SEMA5A: variants seen among roughly 807,000 people sequenced by gnomAD.
SEMA5A encodes the protein semaphorin-5A.
In SEMA5A, 55 loss-of-function variants were observed where a neutral mutation model predicts 135.5. The observed-to-expected ratio is 0.41, with a 90% CI of 0.33 to 0.51. The LOEUF is 0.51. SEMA5A is among the 20% of genes least tolerant of loss of function. SEMA5A has a pLI of 0.37. For synonymous variants in SEMA5A, 580 were observed against 546.5 expected, an observed-to-expected ratio of 1.06 and a Z score of -0.85; for missense variants, 1,290 against 1,419.9, an observed-to-expected ratio of 0.91 and a Z score of 1.47.
At chr5:9,243,025 A>T (rs986770576) in intron 5 of SEMA5A, among the ~76,000 whole-genome samples, 1 of 152,214 alleles carries the variant, frequency 6.6e-6, no homozygotes, top group Non-Finnish European at 1.5e-5. Flanking sequence ...GGAACTGCAG[A>T]GTGGTGCTCC....
At chr5:9,531,311 C>A (rs1165659769) in intron 1 of SEMA5A, among the ~76,000 whole-genome samples, 2 of 152,188 alleles carry the variant, frequency 1.3e-5, no homozygotes, top group Non-Finnish European at 2.9e-5. Context: ...GGTCTTCAGG[C>A]CACCTACATT....
At chr5:9,432,853 C>T (rs1757904810) in intron 2 of SEMA5A, among the ~76,000 whole-genome samples, 1 of 152,146 alleles carries the variant, frequency 6.6e-6, no homozygotes, top group African/African-American at 2.4e-5. Context: ...AGAAGCAAAG[C>T]ACTGTGATCA....
At chr5:9,366,181 G>A (rs550514408) in intron 3 of SEMA5A, among the ~76,000 whole-genome samples, 68 of 152,224 alleles carry the variant, frequency 4.5e-4, no homozygotes, top group African/African-American at 1.5e-3. Flanking sequence ...TTTGCTTCTA[G>A]GTAGTGAAGC....
chr5:9,347,263 G>A (rs1419945936), intron 3 of SEMA5A, among the ~76,000 whole-genome samples: 1 of 152,162 alleles, frequency 6.6e-6, no homozygotes, highest in Non-Finnish European at 1.5e-5. Flanking sequence ...TGAGTCAAGT[G>A]TTCTATCAAG....
chr5:9,132,158 T>C (rs1251655582), intron 13 of SEMA5A, among the ~76,000 whole-genome samples: 1 of 152,168 alleles, frequency 6.6e-6, no homozygotes, highest in Non-Finnish European at 1.5e-5. Flanking sequence ...TAGAAACCCA[T>C]AAACATTTTT....
Position 9,337,768 on chromosome 5 carries a change from C to G in SEMA5A, c.169G>C (p.Asp57His). 6.2e-7 allele frequency: 1 copy of G among 1,611,804 alleles called. No individual in the cohort carries two copies. The highest frequency in any genetic ancestry group is 8.5e-7 in the Non-Finnish European group (1 of 1,178,512). ...LREFRAKNAV[D>H]FSQLTFDPGQ... The stretch of plus-strand genomic sequence containing the variant: ...GGGTCAAATGTTAACTGCGAGAAAT[C>G]CACAGCATTCTTCGCTCTGAACTCC... The change falls in exon 4 of 23, where the codon GAT becomes CAT. Residue 57 changes from aspartate to histidine, a missense_variant. Asp to His is a moderately conservative substitution (Grantham distance 81). Coordinates refer to ENST00000382496, the MANE Select transcript of SEMA5A (RefSeq NM_003966.3).
chr5:9,459,609 T>C (rs1335915533), intron 1 of SEMA5A, among the ~76,000 whole-genome samples: 1 of 152,196 alleles, frequency 6.6e-6, no homozygotes, highest in Non-Finnish European at 1.5e-5. Flanking sequence ...CTGTCCTTGA[T>C]TGCAGCCTCG....
intron 5 of SEMA5A, among the ~76,000 whole-genome samples, chr5:9,296,902 CAAAAA>C (rs34923583): frequency 5.9e-5 from 8 of 134,672 alleles, no homozygotes; most frequent in African/African-American, 8.4e-5. Context: ...ACTGTGATCT[CAAAAA>C]AAAAAAAAAA....
intron 8 of SEMA5A, among the ~76,000 whole-genome samples, chr5:9,216,461 G>C (rs1746635321): frequency 6.6e-6 from 1 of 152,164 alleles, no homozygotes; most frequent in African/African-American, 2.4e-5. Context: ...TATATGTCCT[G>C]TAGTTTTTTG....
At chr5:9,067,085 A>T (rs1480832206) in intron 16 of SEMA5A, among the ~76,000 whole-genome samples, 1 of 152,180 alleles carries the variant, frequency 6.6e-6, no homozygotes, top group African/African-American at 2.4e-5. Context: ...CACAGATGTG[A>T]GGTGTTAGAG....
At chr5:9,501,416 A>T (rs1381675454) in intron 1 of SEMA5A, among the ~76,000 whole-genome samples, 1 of 152,236 alleles carries the variant, frequency 6.6e-6, no homozygotes, top group Non-Finnish European at 1.5e-5. Flanking sequence ...TGCATGAAAT[A>T]CTGTATTAAG....
At chr5:9,159,901 A>T (rs1039776664) in intron 11 of SEMA5A, among the ~76,000 whole-genome samples, 1 of 152,218 alleles carries the variant, frequency 6.6e-6, no homozygotes, top group Non-Finnish European at 1.5e-5. Context: ...CGTCCTTTTC[A>T]GGGACATAGA....
chr5:9,345,222 T>C (rs890185906), intron 3 of SEMA5A, among the ~76,000 whole-genome samples: 21 of 152,210 alleles, frequency 1.4e-4, no homozygotes, highest in African/African-American at 5.1e-4. Flanking sequence ...CTTCCTAACA[T>C]TCCTCTTAAA....
At chr5:9,275,448 T>C (rs1050667030) in intron 5 of SEMA5A, among the ~76,000 whole-genome samples, 3 of 151,598 alleles carry the variant, frequency 2.0e-5, no homozygotes, top group African/African-American at 7.3e-5. Context: ...TTCAAAACAA[T>C]AGAAAAAGAG....
rs1742225609 is a variant in SEMA5A, at chr5:9,144,489, TAGTAC to T, written c.1482-7873_1482-7869del. Among the ~76,000 whole-genome samples the T allele has an allele frequency of 3.3e-5, 5 of 152,312 alleles. No homozygotes were observed. In the South Asian group the frequency reaches 1.0e-3, roughly 32 times the overall value. The stretch of plus-strand genomic sequence containing the variant: ...TTCAATGCCAAGGAACCCTTCTGTG[TAGTAC>T]AGCCCACCCCTCAGAAAGAACATTT... On this transcript the variant is annotated intron_variant, in intron 12 of 22. Coordinates refer to ENST00000382496, the MANE Select transcript of SEMA5A (RefSeq NM_003966.3).
chr5:9,243,461 A>G (rs1159025467), intron 5 of SEMA5A, among the ~76,000 whole-genome samples: 3 of 152,202 alleles, frequency 2.0e-5, no homozygotes, highest in Non-Finnish European at 4.4e-5. Flanking sequence ...ATAAGGTCAT[A>G]TTCTGGGAAT....
intron 12 of SEMA5A, among the ~76,000 whole-genome samples, chr5:9,143,219 G>A (rs1742160901): frequency 6.6e-6 from 1 of 152,078 alleles, no homozygotes; most frequent in African/African-American, 2.4e-5. Flanking sequence ...TAGTCCCTAA[G>A]CACAATTTCA....
chr5:9,154,483 C>T lies in SEMA5A; in HGVS notation c.1481+5G>A, dbSNP rs760053163. The T allele has an allele frequency of 1.2e-6, 2 of 1,611,592 alleles. No individual in the cohort carries two copies. The highest frequency in any genetic ancestry group is 4.5e-5 in the East Asian group (2 of 44,788). On this transcript the variant is annotated splice_donor_5th_base_variant and intron_variant, in intron 12 of 22. Transcript: ENST00000382496. ...CAGTGCATCCTGACCCCGGAGATGC[C>T]CTACCTGCGTGTGCGGTAGAACTGG...
At chr5:9,081,225 A>G (rs990851494) in intron 16 of SEMA5A, among the ~76,000 whole-genome samples, 1 of 152,176 alleles carries the variant, frequency 6.6e-6, no homozygotes, top group Non-Finnish European at 1.5e-5. Context: ...ACCCTGAGCC[A>G]CAGAAAAGAC....
Sources: gnomAD v4.1 joint callset for allele counts (sites outside exome capture counted in the v4.1 genomes callset) on GRCh38, gnomAD v4.1.1 for gene constraint, MANE v1.5 for transcripts, NCBI Gene and HGNC (gene_info 2026-07-23, HGNC 2026-07-21) for gene names.